The following ATP2A2 variants were observed in gnomAD, a reference collection of about 807,000 sequenced individuals.
The protein encoded by ATP2A2 is sarcoplasmic/endoplasmic reticulum calcium ATPase 2.
A neutral mutation model predicts 109.3 loss-of-function variants in ATP2A2; 14 were observed. That is an observed-to-expected ratio of 0.13 (90% CI 0.08 to 0.20). The LOEUF is 0.20. Ranked by LOEUF, ATP2A2 falls within the 10% of genes least tolerant of loss-of-function variation. The pLI, the probability that ATP2A2 is intolerant of heterozygous loss-of-function variation, is 1.00. For synonymous variants in ATP2A2, 506 were observed against 490.9 expected (o/e 1.03, Z -0.41); for missense variants, 657 against 1,321.6 (o/e 0.50, Z 7.80).
intron 5 of ATP2A2, among the ~76,000 whole-genome samples, chr12:110,307,052 C>T (rs1278333453): frequency 1.3e-5 from 2 of 152,052 alleles, no homozygotes; most frequent in Non-Finnish European, 2.9e-5. Context: ...AGCCACCACG[C>T]CCGGCCACAA....
intron 5 of ATP2A2, among the ~76,000 whole-genome samples, chr12:110,300,116 T>TCCCCCCCCCCCCCCC (rs1874420070): frequency 9.7e-6 from 1 of 103,324 alleles, no homozygotes; most frequent in African/African-American, 4.5e-5. Flanking sequence ...CCTCCCCCTT[T>TCCCCCCCCCCCCCCC]CCCTCCCCTC....
At chr12:110,317,395 T>A (rs367993130) in intron 5 of ATP2A2, among the ~76,000 whole-genome samples, 2 of 150,442 alleles carry the variant, frequency 1.3e-5, no homozygotes, top group African/African-American at 4.9e-5. Flanking sequence ...TTTAAAAAAA[T>A]AATGCTGATT....
intron 3 of ATP2A2, among the ~76,000 whole-genome samples, chr12:110,285,805 A>T (rs1413688858): frequency 3.9e-5 from 6 of 152,262 alleles, no homozygotes; most frequent in Admixed American, 3.9e-4. Flanking sequence ...ATTGACCCTA[A>T]AATGCTAATA....
At chr12:110,337,488 T>TA (rs2137844612) in intron 11 of ATP2A2, among the ~76,000 whole-genome samples, 1 of 152,374 alleles carries the variant, frequency 6.6e-6, no homozygotes, top group African/African-American at 2.4e-5. Flanking sequence ...ATTGAGATGA[T>TA]ACAGAATCTA....
chr12:110,298,105 A>T (rs1277773673), intron 5 of ATP2A2, among the ~76,000 whole-genome samples: 1 of 152,162 alleles, frequency 6.6e-6, no homozygotes, highest in East Asian at 1.9e-4. Context: ...ATATGCTTTT[A>T]TATTGACTTG....
rs769839321 is a variant in ATP2A2, at chr12:110,324,851, CAG to C, written c.545-1536_545-1535del. On this transcript the variant is annotated intron_variant, in intron 6 of 19. Coordinates refer to ENST00000539276, the MANE Select transcript of ATP2A2 (RefSeq NM_170665.4). ...ATCTTTTTTTTTTTTTTTTTAAAGA[CAG>C]AGTTGCACTCTGTGGCCCAGTGGCG... 2.0e-4 allele frequency among the ~76,000 whole-genome samples: 28 copies of C among 143,492 alleles called. No homozygotes were observed. In the East Asian group the frequency reaches 2.2e-3, roughly 11 times the overall value. The allele number at this position is 143,492 out of a possible 152,430, so 94.1% of individuals were successfully genotyped here. A position where few individuals can be genotyped will look rare whatever the true frequency, so the allele number is the denominator to read the frequency against.
intron 7 of ATP2A2, among the ~76,000 whole-genome samples, chr12:110,326,704 A>C (rs1466762155): frequency 6.6e-6 from 1 of 152,214 alleles, no homozygotes; most frequent in African/African-American, 2.4e-5. Context: ...ATACATCTTC[A>C]AACTCTTACC....
chr12:110,306,609 A>G (rs1217251921), intron 5 of ATP2A2, among the ~76,000 whole-genome samples: 1 of 152,194 alleles, frequency 6.6e-6, no homozygotes, highest in Non-Finnish European at 1.5e-5. Context: ...GTGAGAACAG[A>G]CAGTATTTGG....
At chr12:110,300,441 G>A (rs1359103640) in intron 5 of ATP2A2, among the ~76,000 whole-genome samples, 2 of 141,492 alleles carry the variant, frequency 1.4e-5, no homozygotes, top group South Asian at 2.2e-4. Flanking sequence ...TGCAAGCTTC[G>A]CCTCCCAGGT....
At position 110,343,396 on chromosome 12, in the gene ATP2A2, T is replaced by A; in HGVS notation, c.2483T>A (p.Ile828Asn). ...KPPRNPKEPL[I>N]SGWLFFRYLA... Reference sequence around the variant, plus strand: ...CCCCGGAACCCAAAGGAACCATTGATCAGCGGGTGGCTCTTTTTCCGTTAC... The same window carrying A: ...CCCCGGAACCCAAAGGAACCATTGAACAGCGGGTGGCTCTTTTTCCGTTAC... The change falls in exon 16 of 20, where the codon ATC becomes AAC. Residue 828 changes from isoleucine to asparagine, a missense_variant. Around this residue, in one of 9 missense-constraint regions of ATP2A2, gnomAD observed 125 missense variants for 243.5 expected, o/e 0.51. Transcript: ENST00000539276. The A allele has an allele frequency of 1.2e-6, 2 of 1,614,236 alleles. No individual in the cohort carries two copies. Among genetic ancestry groups the A allele is most frequent in the Non-Finnish European group, 1.7e-6 (2 of 1,180,038 alleles).
intron 5 of ATP2A2, among the ~76,000 whole-genome samples, chr12:110,314,369 G>A (rs116048960): frequency 1.1e-3 from 165 of 151,934 alleles, no homozygotes; most frequent in African/African-American, 3.9e-3. Context: ...AAAGGGCTTG[G>A]CATTATCAGT....
At chr12:110,328,047 T>C (rs1877978930) in intron 8 of ATP2A2, 30 bp downstream of exon 8, 1 of 1,598,404 alleles carries the variant, frequency 6.3e-7, no homozygotes, top group Non-Finnish European at 8.5e-7. Context: ...ATATTCCGTG[T>C]CGTGGTTCTT....
chr12:110,294,144 C>T (rs952959865), intron 4 of ATP2A2, among the ~76,000 whole-genome samples: 3 of 151,674 alleles, frequency 2.0e-5, no homozygotes, highest in African/African-American at 7.3e-5. Context: ...CCCGGGCTCA[C>T]GCCATTCTCC....
At chr12:110,303,122 A>G (rs568864636) in intron 5 of ATP2A2, among the ~76,000 whole-genome samples, 120 of 152,342 alleles carry the variant, frequency 7.9e-4, no homozygotes, top group African/African-American at 2.7e-3. Context: ...TAAGTTCTCT[A>G]TGAATGAAAT....
At chr12:110,323,334 G>T (rs1877439199) in intron 6 of ATP2A2, among the ~76,000 whole-genome samples, 1 of 152,088 alleles carries the variant, frequency 6.6e-6, no homozygotes. Context: ...ACAGGCTCCT[G>T]CCACCATGCC....
At chr12:110,320,753 A>G (rs949719815) in intron 5 of ATP2A2, among the ~76,000 whole-genome samples, 1 of 152,226 alleles carries the variant, frequency 6.6e-6, no homozygotes, top group East Asian at 1.9e-4. Flanking sequence ...CCTGCAGTCA[A>G]ATGCAAGGGT....
chr12:110,309,410 A>C (rs1039086188), intron 5 of ATP2A2, among the ~76,000 whole-genome samples: 3 of 151,682 alleles, frequency 2.0e-5, no homozygotes, highest in African/African-American at 7.3e-5. Flanking sequence ...CGCCCGCCTC[A>C]GCCTCCCAAA....
intron 15 of ATP2A2, 65 bp from the exon 16 acceptor site, chr12:110,343,167 G>A (rs555151424): frequency 6.5e-7 from 1 of 1,531,590 alleles, no homozygotes; most frequent in Non-Finnish European, 9.0e-7. Flanking sequence ...GGTTGATGAT[G>A]CTCTTTAAAT....
At chr12:110,293,162 C>T (rs1226546381) in intron 4 of ATP2A2, among the ~76,000 whole-genome samples, 2 of 152,086 alleles carry the variant, frequency 1.3e-5, no homozygotes, top group Non-Finnish European at 2.9e-5. Flanking sequence ...ACTGCAACCT[C>T]CGCCTCCCAG....
Sources: gnomAD v4.1 joint callset for allele counts (sites outside exome capture counted in the v4.1 genomes callset) on GRCh38, gnomAD v4.1.1 for gene constraint, gnomAD v4.1.1 regional missense constraint, MANE v1.5 for transcripts, NCBI Gene and HGNC (gene_info 2026-07-23, HGNC 2026-07-21) for gene names.